Variants in ANO10 observed in about 807,000 individuals in gnomAD.
The protein encoded by ANO10 is anoctamin-10.
A neutral mutation model predicts 74.7 loss-of-function variants in ANO10; 77 were observed. That is an observed-to-expected ratio of 1.03 (90% CI 0.86 to 1.25). The LOEUF (loss-of-function observed/expected upper bound fraction) is 1.25, where lower values mean the gene tolerates loss of function less well. ANO10 is among the 50% of genes most tolerant of loss of function. ANO10 has a pLI of 0.00. For synonymous variants in ANO10, 279 were observed against 284.9 expected, an observed-to-expected ratio of 0.98 and a Z score of 0.21; for missense variants, 721 against 778.1, an observed-to-expected ratio of 0.93 and a Z score of 0.87.
chr3:43,472,178 C>G (rs757271396), intron 11 of ANO10, among the ~76,000 whole-genome samples: 2 of 151,982 alleles, frequency 1.3e-5, no homozygotes, highest in East Asian at 1.9e-4. Context: ...TTATATGATA[C>G]TCTGAGAAAG....
upstream of ANO10, among the ~76,000 whole-genome samples, chr3:43,623,968 G>A (rs2083470951): frequency 2.0e-5 from 3 of 152,042 alleles, no homozygotes; most frequent in African/African-American, 4.8e-5. Flanking sequence ...TAGAACGCAC[G>A]GCCATCCTCC....
At chr3:43,691,076 G>A (rs750452173) in intron 1 of ANO10, 3 of 1,514,608 alleles carry the variant, frequency 2.0e-6, no homozygotes, top group African/African-American at 2.9e-5. Context: ...TGTGTCTCCG[G>A]CGCGCACCCT....
chr3:43,432,472 C>T (rs545300362), intron 12 of ANO10, 139 bp downstream of exon 12: 1 of 720,430 alleles, frequency 1.4e-6, no homozygotes, highest in Admixed American at 2.3e-5. Context: ...TTTGTTATGT[C>T]ATCCTGAACT....
intron 11 of ANO10, among the ~76,000 whole-genome samples, chr3:43,537,666 G>A (rs2078776216): frequency 6.7e-6 from 1 of 149,092 alleles, no homozygotes; most frequent in Admixed American, 6.7e-5. Context: ...ACTAATATAC[G>A]TCAGATAGGA....
chr3:43,648,008 TTCACCTCTCTCAAGGGAACCA>T (rs1417812389), intron 1 of ANO10, among the ~76,000 whole-genome samples: 1 of 152,192 alleles, frequency 6.6e-6, no homozygotes. Flanking sequence ...ACATTCTTTC[TTCACCTCTCTCAAGGGAACCA>T]ACCTCCATCT....
chr3:43,584,956 T>G (rs2081412768), intron 4 of ANO10, among the ~76,000 whole-genome samples: 1 of 152,164 alleles, frequency 6.6e-6, no homozygotes, highest in African/African-American at 2.4e-5. Flanking sequence ...TCAAAGAGAC[T>G]GCCCAGGGGA....
intron 1 of ANO10, among the ~76,000 whole-genome samples, chr3:43,640,578 T>G (rs1181301132): frequency 6.6e-6 from 1 of 152,210 alleles, no homozygotes; most frequent in Non-Finnish European, 1.5e-5. Flanking sequence ...GTTCCTATTT[T>G]CTCACCATGT....
chr3:43,660,260 C>G (rs903389292), intron 1 of ANO10, among the ~76,000 whole-genome samples: 1 of 152,074 alleles, frequency 6.6e-6, no homozygotes, highest in Non-Finnish European at 1.5e-5. Flanking sequence ...GATGAGTTGA[C>G]AGAAGTAGGC....
chr3:43,585,752 C>A (rs2081453961), intron 4 of ANO10, among the ~76,000 whole-genome samples: 2 of 152,102 alleles, frequency 1.3e-5, no homozygotes, highest in South Asian at 4.1e-4. Context: ...GGATGCAGTA[C>A]CCAGCTGTGT....
intron 11 of ANO10, among the ~76,000 whole-genome samples, chr3:43,444,742 T>G (rs540930056): frequency 1.3e-5 from 2 of 152,108 alleles, no homozygotes; most frequent in Non-Finnish European, 2.9e-5. Context: ...GACACAGTCA[T>G]GGCGAGGACG....
chr3:43,653,377 C>G (rs2083810542), intron 1 of ANO10, among the ~76,000 whole-genome samples: 1 of 152,164 alleles, frequency 6.6e-6, no homozygotes, highest in South Asian at 2.1e-4. Context: ...TGAAACACCT[C>G]TTTCCAACCA....
Position 43,605,636 on chromosome 3 carries a change from ACTGAGCATACAGTGTGGGAGG to A in ANO10, c.139+57_139+77del, listed in dbSNP as rs979261200. 1.1e-5 allele frequency: 16 copies of A among 1,511,592 alleles called. 1 individual carries two copies. In the African/African-American group the frequency reaches 1.1e-4, roughly 10 times the overall value. The allele number at this position is 1,511,592 out of a possible 1,614,324, so 93.6% of individuals were successfully genotyped here. A position where few individuals can be genotyped will look rare whatever the true frequency, so the allele number is the denominator to read the frequency against. On this transcript the variant is annotated intron_variant, in intron 2 of 12. Transcript: ENST00000292246. ...CACATTTGCAAATACATTTTTAGTG[ACTGAGCATACAGTGTGGGAGG>A]CTGAGCATACAGTGTGGGAGGCCAG... is the stretch of plus-strand genomic sequence containing the variant.
intron 12 of ANO10, among the ~76,000 whole-genome samples, chr3:43,375,853 A>C (rs1355028671): frequency 1.3e-5 from 2 of 152,228 alleles, no homozygotes; most frequent in Non-Finnish European, 2.9e-5. Flanking sequence ...AATGCCATAT[A>C]ATATTTTTTG....
chr3:43,605,866 G>C lies in ANO10; in HGVS notation c.-11-3C>G, dbSNP rs201836553. On this transcript the variant is annotated splice_polypyrimidine_tract_variant and splice_region_variant and intron_variant, in intron 1 of 12. Transcript: ENST00000292246. ...GGTCACTTTCATCTTTGACAAATCT[G>C]CGGAAAATTAAAATAAAGAGTGAAA... 3.7e-6 allele frequency: 6 copies of C among 1,612,876 alleles called. No homozygotes were observed. In the Admixed American group the frequency reaches 8.3e-5, roughly 22 times the overall value.
intron 11 of ANO10, among the ~76,000 whole-genome samples, chr3:43,459,881 A>G (rs2075303845): frequency 6.6e-6 from 1 of 152,208 alleles, no homozygotes; most frequent in Non-Finnish European, 1.5e-5. Flanking sequence ...AGAGAAGTTA[A>G]ACAAGTTACT....
intron 12 of ANO10, among the ~76,000 whole-genome samples, chr3:43,382,953 G>C (rs964725928): frequency 2.6e-5 from 4 of 152,114 alleles, no homozygotes; most frequent in Admixed American, 6.5e-5. Flanking sequence ...GACATTCAAA[G>C]AACTGGTAAC....
At chr3:43,545,335 A>G (rs909984344) in intron 11 of ANO10, among the ~76,000 whole-genome samples, 2 of 152,178 alleles carry the variant, frequency 1.3e-5, no homozygotes, top group Non-Finnish European at 2.9e-5. Flanking sequence ...TTATAAACAG[A>G]AACATGTTAA....
chr3:43,573,693 C>A (rs1300094218), intron 7 of ANO10, among the ~76,000 whole-genome samples: 1 of 152,140 alleles, frequency 6.6e-6, no homozygotes, highest in African/African-American at 2.4e-5. Flanking sequence ...TAGAAAGAGG[C>A]ACGACATGTC....
In ANO10 at chr3:43,452,643, T is replaced by G. The variant is rs930338752; in HGVS notation, c.1798-19916A>C. Among the ~76,000 whole-genome samples the G allele has an allele frequency of 5.9e-5, 9 of 152,368 alleles. No homozygotes were observed. In the South Asian group the frequency reaches 1.7e-3, roughly 28 times the overall value. ...CGAATAATGCTGCTATGAATATTAA[T>G]GTGCAAGTTTTTGTGCAGACATGTG... On this transcript the variant is annotated intron_variant, in intron 11 of 12. Transcript: ENST00000292246.
Sources: allele counts gnomAD v4.1 joint callset (sites outside exome capture counted in the v4.1 genomes callset), GRCh38; gene constraint gnomAD v4.1.1; transcripts MANE v1.5; gene names NCBI Gene and HGNC (gene_info 2026-07-23, HGNC 2026-07-21).